Variants in SPECC1 observed in about 807,000 individuals in gnomAD.
SPECC1 encodes cytospin-B.
Under a neutral mutation model 104.1 loss-of-function variants are expected in SPECC1, and 62 were observed. That is an observed-to-expected ratio of 0.60 (90% confidence interval 0.49 to 0.74). The LOEUF is 0.74. Ranked by LOEUF, SPECC1 falls within the 30% of genes least tolerant of loss-of-function variation. SPECC1 has a pLI of 0.00. For synonymous variants in SPECC1, 513 were observed against 501.6 expected (o/e 1.02, Z -0.30); for missense variants, 1,306 against 1,310.5 (o/e 1.00, Z 0.05).
At chr17:20,198,047 T>C (rs2036152693) in intron 3 of SPECC1, among the ~76,000 whole-genome samples, 1 of 152,214 alleles carries the variant, frequency 6.6e-6, no homozygotes. Context: ...TTTCCCTGAG[T>C]GGCACTAGTG....
chr17:20,174,422 T>A (rs1431184850), intron 3 of SPECC1, among the ~76,000 whole-genome samples: 2 of 152,134 alleles, frequency 1.3e-5, no homozygotes, highest in African/African-American at 2.4e-5. Context: ...CCCAGATTTG[T>A]GTGCAGAGTT....
At chr17:20,165,412 G>C (rs979517204) in intron 3 of SPECC1, among the ~76,000 whole-genome samples, 1 of 152,152 alleles carries the variant, frequency 6.6e-6, no homozygotes, top group South Asian at 2.1e-4. Flanking sequence ...GCTGCATTCT[G>C]TTCCATGGTG....
intron 3 of SPECC1, among the ~76,000 whole-genome samples, chr17:20,141,717 C>T (rs2152560269): frequency 6.6e-6 from 1 of 152,254 alleles, no homozygotes; most frequent in South Asian, 2.1e-4. Context: ...TATCTGTTTC[C>T]ACCACCAGCT....
intron 7 of SPECC1, among the ~76,000 whole-genome samples, chr17:20,233,620 T>C (rs1351978641): frequency 6.6e-6 from 1 of 152,216 alleles, no homozygotes; most frequent in East Asian, 1.9e-4. Flanking sequence ...GAGATTCTTC[T>C]GCCTCAGCCT....
In SPECC1 at chr17:20,315,244, G is replaced by T. The variant is rs1193011520; in HGVS notation, c.*1179G>T. On this transcript the variant is annotated 3_prime_UTR_variant, in exon 15 of 15. Coordinates refer to ENST00000395527, the MANE Select transcript of SPECC1 (RefSeq NM_001243439.2). ...GTGCTTCCCCAGGCCTCTTTCATCG[G>T]CATGGGAAAAGCCCTTAGGGGTGGG... 2.2e-5 allele frequency: 5 copies of T among 232,416 alleles called. No homozygotes were observed. Among genetic ancestry groups the T allele is most frequent in the South Asian group, 3.6e-4 (2 of 5,516 alleles). 14.4% of individuals were successfully genotyped at this position (232,416 alleles called of 1,614,324 possible). A position where few individuals can be genotyped will look rare whatever the true frequency, so the allele number is the denominator to read the frequency against.
intron 12 of SPECC1, among the ~76,000 whole-genome samples, chr17:20,260,563 G>A (rs1478667074): frequency 6.6e-6 from 1 of 152,232 alleles, no homozygotes; most frequent in African/African-American, 2.4e-5. Context: ...GAGGGAAGGG[G>A]ACCTTTTTCT....
chr17:20,264,176 C>T (rs954254606), intron 12 of SPECC1, among the ~76,000 whole-genome samples: 1 of 152,118 alleles, frequency 6.6e-6, no homozygotes, highest in Admixed American at 6.5e-5. Context: ...AATAACTTTC[C>T]TTTTATTTCA....
chr17:20,021,017 T>C (rs1054179975), intron 1 of SPECC1, among the ~76,000 whole-genome samples: 2 of 152,188 alleles, frequency 1.3e-5, no homozygotes, highest in Non-Finnish European at 2.9e-5. Flanking sequence ...TTGCGTGTGA[T>C]GTGTATTATG....
At chr17:20,159,387 C>G (rs1182996819) in intron 3 of SPECC1, among the ~76,000 whole-genome samples, 4 of 152,156 alleles carry the variant, frequency 2.6e-5, no homozygotes, top group African/African-American at 4.8e-5. Flanking sequence ...AAAAGGGATC[C>G]CAGTGGAACA....
At chr17:20,068,677 T>C (rs1427527690) in intron 1 of SPECC1, among the ~76,000 whole-genome samples, 1 of 152,236 alleles carries the variant, frequency 6.6e-6, no homozygotes, top group Non-Finnish European at 1.5e-5. Context: ...GCTAGAGCCA[T>C]CCCAGTCGAT....
intron 12 of SPECC1, among the ~76,000 whole-genome samples, chr17:20,289,959 C>T (rs1364720424): frequency 5.9e-5 from 9 of 152,084 alleles, no homozygotes; most frequent in Non-Finnish European, 1.2e-4. Flanking sequence ...TGATCATGGG[C>T]TTGGGCTTGT....
intron 3 of SPECC1, among the ~76,000 whole-genome samples, chr17:20,130,963 T>C (rs1277011790): frequency 6.6e-6 from 1 of 152,212 alleles, no homozygotes; most frequent in Non-Finnish European, 1.5e-5. Context: ...CACCTAAGTA[T>C]TTATTTTTTA....
chr17:20,176,193 A>G (rs933077658), intron 3 of SPECC1, among the ~76,000 whole-genome samples: 1 of 152,150 alleles, frequency 6.6e-6, no homozygotes, highest in Non-Finnish European at 1.5e-5. Context: ...TTCCTTAGGG[A>G]GTTCTTTGAA....
intron 3 of SPECC1, chr17:20,155,784 C>T: frequency 2.4e-6 from 1 of 413,282 alleles, no homozygotes; most frequent in Non-Finnish European, 3.4e-6. Flanking sequence ...CTGCGGTTCT[C>T]AGCATCCGCG....
intron 14 of SPECC1, among the ~76,000 whole-genome samples, chr17:20,313,383 C>T (rs780124832): frequency 7.9e-5 from 12 of 152,162 alleles, no homozygotes; most frequent in East Asian, 1.9e-4. Context: ...GGGACTAGTT[C>T]GACAGAAGGA....
At position 20,177,903 on chromosome 17, in the gene SPECC1, T is replaced by C. The variant is rs576934259; in HGVS notation, c.284-26430T>C. Among the ~76,000 whole-genome samples the C allele has an allele frequency of 6.6e-5, 10 of 151,744 alleles. 1 individual carries two copies. Among genetic ancestry groups the C allele is most frequent in the Middle Eastern group, 6.8e-3 (2 of 294 alleles). ...TTTTGTATTTTTACTAGAGACGGGG[T>C]TTCACCATGTTGGCCAGAATGGTCT... On this transcript the variant is annotated intron_variant, in intron 3 of 14. Transcript: ENST00000395527.
chr17:20,071,141 CCCT>C (rs1367937762), intron 1 of SPECC1, among the ~76,000 whole-genome samples: 2 of 152,244 alleles, frequency 1.3e-5, no homozygotes, highest in African/African-American at 4.8e-5. Flanking sequence ...AAGCAATCCT[CCCT>C]CCTCAGCCTC....
chr17:20,070,927 A>T (rs949830469), intron 1 of SPECC1, among the ~76,000 whole-genome samples: 1 of 151,856 alleles, frequency 6.6e-6, no homozygotes, highest in Non-Finnish European at 1.5e-5. Flanking sequence ...CTCCTACCTT[A>T]TTCAGGATAA....
At chr17:20,078,063 T>C (rs2046830286) in intron 1 of SPECC1, among the ~76,000 whole-genome samples, 1 of 151,896 alleles carries the variant, frequency 6.6e-6, no homozygotes, top group African/African-American at 2.4e-5. Flanking sequence ...TCTATATACA[T>C]GAGTATGGAT....
Sources: gnomAD v4.1 joint callset for allele counts (sites outside exome capture counted in the v4.1 genomes callset) on GRCh38, gnomAD v4.1.1 for gene constraint, MANE v1.5 for transcripts, NCBI Gene and HGNC (gene_info 2026-07-23, HGNC 2026-07-21) for gene names.